SHANK2: variants seen among roughly 807,000 people sequenced by gnomAD.
SHANK2 encodes SH3 and multiple ankyrin repeat domains 2.
Under a neutral mutation model 133.7 loss-of-function variants are expected in SHANK2, and 43 were observed. The ratio of observed to expected loss-of-function variants is 0.32; its 90% CI spans 0.25 to 0.41. The LOEUF is 0.41. Among genes scored for constraint, SHANK2 ranks in the 10% least tolerant of loss-of-function variants. SHANK2 has a pLI of 1.00. For missense variants in SHANK2, 1,994 were observed against 2,235.8 expected (o/e 0.89, Z 2.18); for synonymous variants, 1,017 against 952.8 (o/e 1.07, Z -1.24).
At chr11:71,133,779 T>A (rs1310928337) in intron 3 of SHANK2, among the ~76,000 whole-genome samples, 2 of 152,164 alleles carry the variant, frequency 1.3e-5, no homozygotes, top group East Asian at 3.9e-4. Context: ...GGGCAGAAAA[T>A]GTGCTCATGT....
At chr11:70,841,693 G>C (rs1555061764) in intron 11 of SHANK2, among the ~76,000 whole-genome samples, 1 of 152,188 alleles carries the variant, frequency 6.6e-6, no homozygotes, top group African/African-American at 2.4e-5. Context: ...ACTAGAGCCA[G>C]CTACTGCAGA....
intron 10 of SHANK2, chr11:70,951,098 C>T (rs1950828852): frequency 2.9e-6 from 1 of 339,558 alleles, no homozygotes; most frequent in South Asian, 2.3e-5. Context: ...CATTCATCTC[C>T]CCTGACTGCT....
chr11:71,140,117 T>G (rs1555105494), intron 3 of SHANK2, among the ~76,000 whole-genome samples: 1 of 152,144 alleles, frequency 6.6e-6, no homozygotes, highest in African/African-American at 2.4e-5. Flanking sequence ...CCACAAGGGA[T>G]TTCTCACACG....
At position 70,659,984 on chromosome 11, in the gene SHANK2, C is replaced by T. The variant is rs372118728; in HGVS notation, c.1937-32G>A. On this transcript the variant is annotated intron_variant, in intron 16 of 25. Transcript: ENST00000601538. ...AGACAAGCAGCACCTGGTTACAAGC[C>T]TGGGAGATGTCTTCCAAGTTCACAT... 1.2e-5 allele frequency: 19 copies of T among 1,613,978 alleles called. No homozygotes were observed. In the African/African-American group the frequency reaches 1.3e-4, roughly 11 times the overall value.
intron 11 of SHANK2, among the ~76,000 whole-genome samples, chr11:70,835,482 T>C (rs1461823463): frequency 6.6e-6 from 1 of 152,086 alleles, no homozygotes; most frequent in Non-Finnish European, 1.5e-5. Flanking sequence ...CTTGGGGACA[T>C]GGTCCGCTCA....
chr11:70,868,222 T>A (rs1433769333), intron 11 of SHANK2, among the ~76,000 whole-genome samples: 2 of 151,992 alleles, frequency 1.3e-5, no homozygotes, highest in Non-Finnish European at 2.9e-5. Flanking sequence ...AGAAGGTGGG[T>A]CGCATAGACA....
chr11:71,204,187 A>C (rs1400610272), intron 2 of SHANK2, among the ~76,000 whole-genome samples: 1 of 152,134 alleles, frequency 6.6e-6, no homozygotes, highest in Non-Finnish European at 1.5e-5. Context: ...GTCTGGCTGG[A>C]TTTACAAGAA....
chr11:70,884,336 C>T (rs988423247), intron 11 of SHANK2, among the ~76,000 whole-genome samples: 5 of 152,214 alleles, frequency 3.3e-5, no homozygotes, highest in South Asian at 2.1e-4. Flanking sequence ...CAGACAAATG[C>T]AAAATCTGTT....
At chr11:70,566,493 C>T (rs2059969666) in intron 17 of SHANK2, 1 of 152,184 alleles carries the variant, frequency 6.6e-6, no homozygotes, top group Admixed American at 6.5e-5. Flanking sequence ...GGACCACAGT[C>T]CCCAGTCCCC....
intron 6 of SHANK2, among the ~76,000 whole-genome samples, chr11:71,101,299 T>C (rs1951713643): frequency 6.6e-6 from 1 of 152,186 alleles, no homozygotes. Flanking sequence ...GCATTTTCCT[T>C]ACTGAAGGCA....
chr11:70,607,585 G>A (rs1565174300), intron 17 of SHANK2, among the ~76,000 whole-genome samples: 2 of 152,212 alleles, frequency 1.3e-5, no homozygotes, highest in African/African-American at 4.8e-5. Context: ...GGACTTCTTG[G>A]AAAATGCCTG....
intron 14 of SHANK2, among the ~76,000 whole-genome samples, chr11:70,713,251 A>G (rs1565262125): frequency 6.6e-6 from 1 of 152,112 alleles, no homozygotes; most frequent in Non-Finnish European, 1.5e-5. Flanking sequence ...CCTCCAATAA[A>G]CAGAAATCAC....
At chr11:70,563,598 G>A (rs532873876) in intron 17 of SHANK2, among the ~76,000 whole-genome samples, 1 of 143,124 alleles carries the variant, frequency 7.0e-6, no homozygotes, top group South Asian at 2.2e-4. Context: ...GAGTGCAATG[G>A]TGTGATCTTG....
rs1239662580 is a variant in SHANK2 at position 70,569,272 on chromosome 11, A to G, written c.2062-66341T>C. Among the ~76,000 whole-genome samples the G allele has an allele frequency of 2.0e-5, 3 of 152,182 alleles. No homozygotes were observed. The highest frequency in any genetic ancestry group is 4.4e-5 in the Non-Finnish European group (3 of 68,018). ...TGACCCCAGGGGAGGCTGGTGGCTA[A>G]GCCATGCCGCTGGGGTCCTGGGGGG... On this transcript the variant is annotated intron_variant, in intron 17 of 25. Transcript: ENST00000601538. The surrounding 1 kb of genome is among the most constrained non-coding windows in gnomAD (Gnocchi z 5.1).
rs902748596 is a variant in SHANK2 at position 70,726,123 on chromosome 11, C to T, written c.1778-27360G>A. 2.0e-5 allele frequency among the ~76,000 whole-genome samples: 3 copies of T among 152,164 alleles called. No individual in the cohort carries two copies. The East Asian group carries it at 5.8e-4, about 29-fold the overall frequency. ...GTAAGTGCATTGAGGACTTTTACAC[C>T]TACTTCCCCGCTTTAGGGATGGGTG... On this transcript the variant is annotated intron_variant, in intron 14 of 25. Coordinates refer to ENST00000601538, the MANE Select transcript of SHANK2 (RefSeq NM_012309.5).
chr11:71,252,802 G>T (rs1353817602), upstream of SHANK2, among the ~76,000 whole-genome samples: 1 of 151,652 alleles, frequency 6.6e-6, no homozygotes, highest in Admixed American at 6.6e-5. The surrounding 1 kb of genome is among the most constrained non-coding windows in gnomAD (Gnocchi z 6.3). Flanking sequence ...GGGAGACCGC[G>T]GGGCGCCCTG....
In SHANK2 at chr11:70,472,701, A is replaced by G; in HGVS notation, c.*168T>C. The G allele has an allele frequency of 1.4e-6, 1 of 704,428 alleles. No homozygotes were observed. Among genetic ancestry groups the G allele is most frequent in the Non-Finnish European group, 2.5e-6 (1 of 401,474 alleles). 43.6% of individuals were successfully genotyped at this position (704,428 alleles called of 1,614,324 possible). A position where few individuals can be genotyped will look rare whatever the true frequency, so the allele number is the denominator to read the frequency against. On this transcript the variant is annotated 3_prime_UTR_variant, in exon 26 of 26. Transcript: ENST00000601538. This position sits in a 1 kb window ranked among gnomAD's most constrained non-coding sequence, Gnocchi z 4.4. ...ACCCACATGGTGAGCCAGGGGTCTG[A>G]AGACCCAGCCATGTTGTGGACACAA...
chr11:70,625,431 C>A (rs2136481327), intron 17 of SHANK2, among the ~76,000 whole-genome samples: 1 of 152,194 alleles, frequency 6.6e-6, no homozygotes, highest in Middle Eastern at 3.4e-3. Flanking sequence ...CCAGAGCTCC[C>A]ACCATAAATC....
intron 2 of SHANK2, among the ~76,000 whole-genome samples, chr11:71,181,085 C>A (rs770600901): frequency 6.6e-6 from 1 of 151,994 alleles, no homozygotes; most frequent in Admixed American, 6.5e-5. Flanking sequence ...CCAGAGATGG[C>A]GGAAGATCCT....
Sources: allele counts gnomAD v4.1 joint callset (sites outside exome capture counted in the v4.1 genomes callset), GRCh38; gene constraint gnomAD v4.1.1; non-coding constraint Gnocchi (gnomAD v3.1); transcripts MANE v1.5; gene names NCBI Gene and HGNC (gene_info 2026-07-23, HGNC 2026-07-21).